The following CDC7 variants were observed in gnomAD, a reference collection of about 807,000 sequenced individuals.
The protein encoded by CDC7 is cell division cycle 7, also known as cell division cycle 7-related protein kinase.
In CDC7, 34 loss-of-function variants were observed where a neutral mutation model predicts 53.5. The ratio of observed to expected loss-of-function variants is 0.64; its 90% CI spans 0.48 to 0.85. The LOEUF (loss-of-function observed/expected upper bound fraction) is 0.85. CDC7 is among the 40% of genes least tolerant of loss of function. The pLI is 0.00. For missense variants in CDC7, 594 were observed against 679.7 expected (o/e 0.87, Z 1.40); for synonymous variants, 211 against 222.8 (o/e 0.95, Z 0.47).
chr1:91,515,977 C>T (rs1667538801), intron 10 of CDC7, 101 bp downstream of exon 10: 3 of 974,722 alleles, frequency 3.1e-6, no homozygotes, highest in African/African-American at 1.6e-5. Context: ...TTGAGTTCTT[C>T]TGCTTTTAAT....
chr1:91,514,725 G>A (rs13447514), intron 8 of CDC7, 94 bp from the exon 9 acceptor site: 28,128 of 939,846 alleles, frequency 0.03, 538 homozygotes, highest in Non-Finnish European at 0.038. Context: ...AGTTTTTAAA[G>A]TTATGCTTCC....
chr1:91,519,256 C>CAA (rs71087957), intron 10 of CDC7, among the ~76,000 whole-genome samples: 778 of 60,154 alleles, frequency 0.013, 35 homozygotes, highest in African/African-American at 0.036. Context: ...ACTAAAAATA[C>CAA]AAAAAAAAAA....
chr1:91,511,489 T>A (rs1667283013), intron 4 of CDC7, 108 bp from the exon 5 acceptor site: 2 of 636,118 alleles, frequency 3.1e-6, no homozygotes, highest in South Asian at 2.2e-5. Flanking sequence ...TAAGTCAGTT[T>A]TCTAGCAATA....
At chr1:91,501,587 A>AG (rs1417292071) in intron 1 of CDC7, 67 bp from the exon 2 acceptor site, 1 of 714,798 alleles carries the variant, frequency 1.4e-6, no homozygotes, top group Non-Finnish European at 2.5e-6. Context: ...TTTGGGGGGC[A>AG]GTAGCATGTT....
chr1:91,501,605 C>T (rs1006998361), intron 1 of CDC7, 49 bp from the exon 2 acceptor site: 37 of 780,648 alleles, frequency 4.7e-5, no homozygotes, highest in Middle Eastern at 2.3e-4. Context: ...GTTTTTAGTG[C>T]GTGGTTTAGC....
chr1:91,502,810 C>T (rs13447465), intron 2 of CDC7, among the ~76,000 whole-genome samples: 2,634 of 152,254 alleles, frequency 0.017, 37 homozygotes, highest in South Asian at 0.038. Flanking sequence ...ATGCTGCCTG[C>T]TTGCACTTTT....
intron 2 of CDC7, among the ~76,000 whole-genome samples, chr1:91,506,280 C>T (rs1666983612): frequency 6.6e-6 from 1 of 152,064 alleles, no homozygotes; most frequent in African/African-American, 2.4e-5. Flanking sequence ...GATTACAGGC[C>T]TGAGCCACCG....
chr1:91,510,537 A>G (rs1328474998), intron 4 of CDC7, among the ~76,000 whole-genome samples: 1 of 152,352 alleles, frequency 6.6e-6, no homozygotes, highest in South Asian at 2.1e-4. Context: ...TATAGAAGAC[A>G]AGAAAATGAG....
rs542086151 is a variant in CDC7 at position 91,516,544 on chromosome 1, T to C, written c.1180+668T>C. 2.1e-3 allele frequency among the ~76,000 whole-genome samples: 325 copies of C among 152,284 alleles called. 2 individuals are homozygous for C. Among genetic ancestry groups the C allele is most frequent in the African/African-American group, 7.6e-3 (315 of 41,556 alleles). Reference sequence around the variant, plus strand: ...TAACAAATAAATAAATGAGACCATCTGTTCACACTCTAGTCAGGACACCAT... The same window carrying C: ...TAACAAATAAATAAATGAGACCATCCGTTCACACTCTAGTCAGGACACCAT... On this transcript the variant is annotated intron_variant, in intron 10 of 11. Transcript: ENST00000234626.
chr1:91,512,009 A>G (rs1667314570), intron 6 of CDC7, 86 bp downstream of exon 6: 2 of 959,770 alleles, frequency 2.1e-6, no homozygotes, highest in Non-Finnish European at 3.0e-6. Context: ...ATTGAACATG[A>G]TGTTATATAT....
intron 11 of CDC7, among the ~76,000 whole-genome samples, chr1:91,521,562 A>G (rs1342344142): frequency 6.6e-6 from 1 of 152,234 alleles, no homozygotes; most frequent in Non-Finnish European, 1.5e-5. Context: ...AAAAGTGACC[A>G]TGAGTGGAAA....
Position 91,501,666 on chromosome 1 carries a change from C to G in CDC7, c.-51C>G. 7.8e-7 allele frequency: 1 copy of G among 1,285,152 alleles called. No individual in the cohort carries two copies. Among genetic ancestry groups the G allele is most frequent in the South Asian group, 1.2e-5 (1 of 83,294 alleles). The allele number at this position is 1,285,152 out of a possible 1,614,324, so 79.6% of individuals were successfully genotyped here. A position where few individuals can be genotyped will look rare whatever the true frequency, so the allele number is the denominator to read the frequency against. On this transcript the variant is annotated 5_prime_UTR_variant, in exon 2 of 12. Coordinates refer to ENST00000234626, the MANE Select transcript of CDC7 (RefSeq NM_003503.4). ...CTAATTTTCACAGCTGCTTTGCTCC[C>G]CCTGTGGATGTAACCCCTTAGCTGG...
At chr1:91,504,629 G>A (rs1163944320) in intron 2 of CDC7, among the ~76,000 whole-genome samples, 1 of 152,102 alleles carries the variant, frequency 6.6e-6, no homozygotes, top group Admixed American at 6.6e-5. Flanking sequence ...GTTTGCCTGG[G>A]ACAGATCTAG....
intron 2 of CDC7, among the ~76,000 whole-genome samples, 194 bp downstream of exon 2, chr1:91,502,025 C>T (rs901275376): frequency 6.6e-6 from 1 of 152,144 alleles, no homozygotes; most frequent in Non-Finnish European, 1.5e-5. Flanking sequence ...GTAATACAAC[C>T]TGTTTTACGG....
At chr1:91,507,651 G>A (rs1667062853) in intron 2 of CDC7, among the ~76,000 whole-genome samples, 1 of 151,970 alleles carries the variant, frequency 6.6e-6, no homozygotes. Context: ...ATTTAATTCT[G>A]GGACTGTCAT....
At chr1:91,519,589 C>T (rs1182626095) in intron 10 of CDC7, among the ~76,000 whole-genome samples, 3 of 152,076 alleles carry the variant, frequency 2.0e-5, no homozygotes, top group African/African-American at 4.8e-5. Flanking sequence ...CTACTGTGTA[C>T]TCAGAAAAAT....
chr1:91,518,673 G>A (rs1443050420), intron 10 of CDC7, among the ~76,000 whole-genome samples: 2 of 152,118 alleles, frequency 1.3e-5, no homozygotes, highest in Non-Finnish European at 2.9e-5. Flanking sequence ...TAATTTGTGG[G>A]ATCTAAAAAT....
chr1:91,512,944 C>T, intron 6 of CDC7, 114 bp from the exon 7 acceptor site: 3 of 860,470 alleles, frequency 3.5e-6, no homozygotes, highest in East Asian at 2.6e-5. Flanking sequence ...GTTATAAATT[C>T]CTAATTGATC....
In CDC7 at chr1:91,519,682, A is replaced by C. The variant is rs1667818249; in HGVS notation, c.1181-448A>C. On this transcript the variant is annotated intron_variant, in intron 10 of 11. Coordinates refer to ENST00000234626, the MANE Select transcript of CDC7 (RefSeq NM_003503.4). ...AGTAGTTGGTGCTAGTGTCAGCTGA[A>C]GAAGAGCTTCTAATGTTCATTACTT... Among the ~76,000 whole-genome samples the C allele has an allele frequency of 2.0e-5, 3 of 152,252 alleles. No homozygotes were observed. In the South Asian group the frequency reaches 6.2e-4, roughly 31 times the overall value.
Sources: gnomAD v4.1 joint callset for allele counts (sites outside exome capture counted in the v4.1 genomes callset) on GRCh38, gnomAD v4.1.1 for gene constraint, MANE v1.5 for transcripts, NCBI Gene and HGNC (gene_info 2026-07-23, HGNC 2026-07-21) for gene names.